Variants in ECHDC3 observed in about 807,000 individuals in gnomAD.
The protein encoded by ECHDC3 is enoyl-CoA hydratase domain-containing protein 3, mitochondrial.
Under a neutral mutation model 17.9 loss-of-function variants are expected in ECHDC3, and 20 were observed. That is an observed-to-expected ratio of 1.12 (90% CI 0.79 to 1.63). The LOEUF (loss-of-function observed/expected upper bound fraction) is 1.63. Among genes scored for constraint, ECHDC3 ranks in the 40% most tolerant of loss-of-function variants. The pLI is 0.00. For missense variants in ECHDC3, 407 were observed against 357.7 expected (o/e 1.14, Z -1.11); for synonymous variants, 177 against 149.7 (o/e 1.18, Z -1.33).
In ECHDC3 at chr10:11,749,551, G is replaced by A. The variant is rs926057492; in HGVS notation, c.349G>A (p.Gly117Ser). 3 of 1,614,024 alleles carry A rather than the reference G, an allele frequency of 1.9e-6. No individual in the cohort carries two copies. Among genetic ancestry groups the A allele is most frequent in the African/African-American group, 1.3e-5 (1 of 74,906 alleles). The change falls in exon 3 of 5, where the codon GGC (glycine) becomes AGC (serine). Residue 117 changes from glycine (G) to serine (S), a missense_variant. Transcript: ENST00000379215. ...CTTAAAGGAGCTGACAGAGGAGCAA[G>A]GCCGTGATTACCATGCCGAAGTATT... is the stretch of plus-strand genomic sequence containing the variant. ...HDLKELTEEQ[G>S]RDYHAEVFQT... is the part of the protein sequence containing the mutation.
Position 11,763,985 on chromosome 10 carries a change from A to T in ECHDC3, c.*441A>T. On this transcript the variant is annotated 3_prime_UTR_variant, in exon 5 of 5. Transcript: ENST00000379215. The surrounding 1 kb of genome is among the most constrained non-coding windows in gnomAD (Gnocchi z 4.9). The stretch of plus-strand genomic sequence containing the variant: ...TCCACGAGATATTCTCCACACAGAA[A>T]ATCTTCTTGATTCTATAGAGACTTA... 1.0e-6 allele frequency: 1 copy of T among 979,994 alleles called. No homozygotes were observed. Among genetic ancestry groups the T allele is most frequent in the South Asian group, 4.7e-5 (1 of 21,202 alleles). The allele number at this position is 979,994 out of a possible 1,614,324, so 60.7% of individuals were successfully genotyped here.
At position 11,763,973 on chromosome 10, in the gene ECHDC3, C is replaced by G. The variant is rs1832984873; in HGVS notation, c.*429C>G. ...ACATTTCAAATCTCCACGAGATATT[C>G]TCCACACAGAAAATCTTCTTGATTC... On this transcript the variant is annotated 3_prime_UTR_variant, in exon 5 of 5. Coordinates refer to ENST00000379215, the MANE Select transcript of ECHDC3 (RefSeq NM_024693.5). This position sits in a 1 kb window ranked among gnomAD's most constrained non-coding sequence, Gnocchi z 4.9. 2 of 989,578 alleles carry G rather than the reference C, an allele frequency of 2.0e-6. No homozygotes were observed. The highest frequency in any genetic ancestry group is 3.5e-5 in the African/African-American group (2 of 57,334). The allele number at this position is 989,578 out of a possible 1,614,324, so 61.3% of individuals were successfully genotyped here. A position where few individuals can be genotyped will look rare whatever the true frequency, so the allele number is the denominator to read the frequency against.
chr10:11,746,930 TTTTTTC>T (rs1430650652), intron 1 of ECHDC3, among the ~76,000 whole-genome samples: 2 of 152,138 alleles, frequency 1.3e-5, no homozygotes, highest in Non-Finnish European at 2.9e-5. Context: ...GTTTTCTAAC[TTTTTTC>T]TAAGGAACAA....
In ECHDC3 at chr10:11,764,003, G is replaced by C. The variant is rs962877065; in HGVS notation, c.*459G>C. ...CACAGAAAATCTTCTTGATTCTATAGAGACTTAATCATGCCTATGGCTTTG... is the reference window on the plus strand; with the variant it reads ...CACAGAAAATCTTCTTGATTCTATACAGACTTAATCATGCCTATGGCTTTG... On this transcript the variant is annotated 3_prime_UTR_variant, in exon 5 of 5. Coordinates refer to ENST00000379215, the MANE Select transcript of ECHDC3 (RefSeq NM_024693.5). 11 of 959,842 alleles carry C rather than the reference G, an allele frequency of 1.1e-5. No homozygotes were observed. The African/African-American group carries it at 1.8e-4, about 15-fold the overall frequency. The allele number at this position is 959,842 out of a possible 1,614,324, so 59.5% of individuals were successfully genotyped here.
intron 1 of ECHDC3, among the ~76,000 whole-genome samples, chr10:11,743,752 A>T (rs1446981443): frequency 6.6e-6 from 1 of 152,252 alleles, no homozygotes; most frequent in Non-Finnish European, 1.5e-5. Context: ...AGGCCAGAGC[A>T]GGGCCCAGGC....
At chr10:11,760,297 A>C (rs1832933740) in intron 4 of ECHDC3, among the ~76,000 whole-genome samples, 1 of 152,196 alleles carries the variant, frequency 6.6e-6, no homozygotes, top group African/African-American at 2.4e-5. Context: ...GCTTGGGACC[A>C]GGCCCCGCCT....
chr10:11,762,913 A>T (rs1352576704), intron 4 of ECHDC3, among the ~76,000 whole-genome samples: 2 of 151,748 alleles, frequency 1.3e-5, no homozygotes, highest in Non-Finnish European at 2.9e-5. Flanking sequence ...ATCCCATCTG[A>T]TGTGGCTGCC....
In ECHDC3 at chr10:11,742,471, C is replaced by T; in HGVS notation, c.-106C>T. The T allele has an allele frequency of 8.0e-6, 9 of 1,121,600 alleles. No individual in the cohort carries two copies. Among genetic ancestry groups the T allele is most frequent in the South Asian group, 4.3e-5 (1 of 23,330 alleles). 69.5% of individuals were successfully genotyped at this position (1,121,600 alleles called of 1,614,324 possible). A position where few individuals can be genotyped will look rare whatever the true frequency, so the allele number is the denominator to read the frequency against. On this transcript the variant is annotated 5_prime_UTR_variant, in exon 1 of 5. Transcript: ENST00000379215. ...CCGGGTCTCGGCCACCGTCGAGTTC[C>T]GTCGAGTTCCGTCCCGGCCCTGCTC...
Position 11,763,072 on chromosome 10 carries a change from C to G in ECHDC3, c.592-152C>G, listed in dbSNP as rs994117607. On this transcript the variant is annotated intron_variant, in intron 4 of 4. Transcript: ENST00000379215. The surrounding 1 kb of genome is among the most constrained non-coding windows in gnomAD (Gnocchi z 4.9). ...TTCTTCGCTCTTGGAAAGATCCGCT[C>G]TCCTCCCGGGCAGGAGTTAGGGCAC... is the stretch of plus-strand genomic sequence containing the variant. 6.7e-6 allele frequency: 4 copies of G among 600,780 alleles called. No homozygotes were observed. The highest frequency in any genetic ancestry group is 2.0e-5 in the South Asian group (1 of 50,412). The allele number at this position is 600,780 out of a possible 1,614,324, so 37.2% of individuals were successfully genotyped here. A position where few individuals can be genotyped will look rare whatever the true frequency, so the allele number is the denominator to read the frequency against.
chr10:11,754,877 G>A (rs956825836), intron 3 of ECHDC3, among the ~76,000 whole-genome samples: 3 of 152,320 alleles, frequency 2.0e-5, no homozygotes, highest in Non-Finnish European at 4.4e-5. Context: ...TCCCCATGGG[G>A]CTCTCAGAAA....
At position 11,763,567 on chromosome 10, in the gene ECHDC3, C is replaced by T. The variant is rs1352573016; in HGVS notation, c.*23C>T. ...TGAGTGGAGGCAGAGGAGTGAGGCC[C>T]ACGGGCAGCGCCCAGGAGCCCACCT... On this transcript the variant is annotated 3_prime_UTR_variant, in exon 5 of 5. Coordinates refer to ENST00000379215, the MANE Select transcript of ECHDC3 (RefSeq NM_024693.5). This position sits in a 1 kb window ranked among gnomAD's most constrained non-coding sequence, Gnocchi z 4.9. 6.8e-7 allele frequency: 1 copy of T among 1,476,440 alleles called. No homozygotes were observed. Among genetic ancestry groups the T allele is most frequent in the East Asian group, 2.5e-5 (1 of 40,540 alleles). The allele number at this position is 1,476,440 out of a possible 1,614,324, so 91.5% of individuals were successfully genotyped here.
Position 11,763,742 on chromosome 10 carries a change from C to T in ECHDC3, c.*198C>T, listed in dbSNP as rs752446187. The T allele has an allele frequency of 3.2e-5, 45 of 1,394,108 alleles. No homozygotes were observed. Among genetic ancestry groups the T allele is most frequent in the Non-Finnish European group, 3.9e-5 (42 of 1,075,662 alleles). The allele number at this position is 1,394,108 out of a possible 1,614,324, so 86.4% of individuals were successfully genotyped here. On this transcript the variant is annotated 3_prime_UTR_variant, in exon 5 of 5. Transcript: ENST00000379215. The surrounding 1 kb of genome is among the most constrained non-coding windows in gnomAD (Gnocchi z 4.9). ...AAATGGAGAGTGACTGAGGTGCTGA[C>T]CTCAGTGCAAGGCTGGTGAACCCTG...
At chr10:11,761,635 C>T (rs1489748299) in intron 4 of ECHDC3, among the ~76,000 whole-genome samples, 3 of 152,210 alleles carry the variant, frequency 2.0e-5, no homozygotes, top group African/African-American at 7.2e-5. Flanking sequence ...TGAATGCTAC[C>T]TCTCAGCTGG....
chr10:11,756,003 C>G (rs553194679), intron 4 of ECHDC3, among the ~76,000 whole-genome samples: 29 of 152,350 alleles, frequency 1.9e-4, no homozygotes, highest in African/African-American at 6.7e-4. Flanking sequence ...GAATAGCGTA[C>G]TGACATAATG....
intron 4 of ECHDC3, among the ~76,000 whole-genome samples, chr10:11,762,119 A>G (rs1832960626): frequency 1.3e-5 from 2 of 152,142 alleles, no homozygotes; most frequent in Admixed American, 1.3e-4. Flanking sequence ...TACAAAGGAC[A>G]TACACTATAA....
At chr10:11,744,965 T>G (rs1267859121) in intron 1 of ECHDC3, among the ~76,000 whole-genome samples, 1 of 152,024 alleles carries the variant, frequency 6.6e-6, no homozygotes, top group Non-Finnish European at 1.5e-5. Flanking sequence ...AGGACAGAAT[T>G]CAGGATGGCT....
chr10:11,749,624 C>T, intron 3 of ECHDC3, 32 bp downstream of exon 3: 1 of 1,601,662 alleles, frequency 6.2e-7, no homozygotes, highest in East Asian at 2.2e-5. Flanking sequence ...CAGTGCAAAC[C>T]TGCAAATGAT....
At chr10:11,756,766 T>G (rs77540302) in intron 4 of ECHDC3, among the ~76,000 whole-genome samples, 1 of 150,982 alleles carries the variant, frequency 6.6e-6, no homozygotes, top group African/African-American at 2.5e-5. Flanking sequence ...TTTTTTTTTT[T>G]GAAACAGAGT....
intron 3 of ECHDC3, among the ~76,000 whole-genome samples, chr10:11,754,626 A>G (rs1346528032): frequency 6.6e-6 from 1 of 152,182 alleles, no homozygotes; most frequent in Non-Finnish European, 1.5e-5. Flanking sequence ...TCAATTTTTC[A>G]AGGAAGCACC....
Sources: allele counts gnomAD v4.1 joint callset (sites outside exome capture counted in the v4.1 genomes callset), GRCh38; gene constraint gnomAD v4.1.1; non-coding constraint Gnocchi (gnomAD v3.1); transcripts MANE v1.5; gene names NCBI Gene and HGNC (gene_info 2026-07-23, HGNC 2026-07-21).